FLT3LG: variants seen among roughly 807,000 people sequenced by gnomAD.
FLT3LG encodes the protein fms related receptor tyrosine kinase 3 ligand.
FLT3LG carries 8 observed loss-of-function variants against 30.9 expected under a neutral mutation model. The observed-to-expected ratio is 0.26, with a 90% CI of 0.15 to 0.47. The LOEUF (loss-of-function observed/expected upper bound fraction) is 0.47. FLT3LG is among the 20% of genes least tolerant of loss of function. The pLI is 0.99. For synonymous variants in FLT3LG, 123 were observed against 135.9 expected, an observed-to-expected ratio of 0.91 and a Z score of 0.66; for missense variants, 278 against 306.2, an observed-to-expected ratio of 0.91 and a Z score of 0.69.
At chr19:49,477,116 C>G (rs566145035) in intron 5 of FLT3LG, among the ~76,000 whole-genome samples, 15 of 151,948 alleles carry the variant, frequency 9.9e-5, no homozygotes, top group Non-Finnish European at 1.8e-4. Context: ...CAGAGTGAAA[C>G]TGTCTCAAAA....
At position 49,476,206 on chromosome 19, in the gene FLT3LG, A is replaced by T. The variant is rs1789655384; in HGVS notation, c.198+8A>T. 1 of 1,609,194 alleles carries T rather than the reference A, an allele frequency of 6.2e-7. No individual in the cohort carries two copies. Among genetic ancestry groups the T allele is most frequent in the Admixed American group, 1.7e-5 (1 of 59,980 alleles). ...GCCTCCAACCTGCAGGACGTAAGTCATGTTGGGAGGGACCTGGGATGGAGG... is the reference window on the plus strand; with the variant it reads ...GCCTCCAACCTGCAGGACGTAAGTCTTGTTGGGAGGGACCTGGGATGGAGG... On this transcript the variant is annotated splice_region_variant and intron_variant, in intron 4 of 8. Coordinates refer to ENST00000597551, the MANE Select transcript of FLT3LG (RefSeq NM_001459.4). The surrounding 1 kb of genome is among the most constrained non-coding windows in gnomAD (Gnocchi z 5.3).
chr19:49,480,396 G>A lies in FLT3LG; in HGVS notation c.580G>A (p.Val194Met), dbSNP rs754352619. 48 of 1,609,474 alleles carry A rather than the reference G, an allele frequency of 3.0e-5. No homozygotes were observed. The highest frequency in any genetic ancestry group is 5.0e-5 in the Admixed American group (3 of 59,666). ...PPLLLLLLLP[V>M]GLLLLAAAWC... is the part of the protein sequence containing the mutation. Reference sequence around the variant, plus strand: ...TCTGCTCCTCCTACTGCTGCTGCCCGTGGGCCTCCTGCTGCTGGCCGCTGC... The same window carrying A: ...TCTGCTCCTCCTACTGCTGCTGCCCATGGGCCTCCTGCTGCTGGCCGCTGC... Residue 194 changes from valine (V) to methionine (M), a missense_variant, in exon 7 of 9, where the codon GTG becomes ATG. Transcript: ENST00000597551.
At chr19:49,478,883 G>A (rs2079493075) in intron 5 of FLT3LG, 26 bp from the exon 6 acceptor site, 4 of 1,489,740 alleles carry the variant, frequency 2.7e-6, no homozygotes, top group East Asian at 5.4e-5. Context: ...TGACGTGGTG[G>A]TGACGTCTCC....
chr19:49,479,356 G>A lies in FLT3LG; in HGVS notation c.481+309G>A, dbSNP rs189641677. On this transcript the variant is annotated intron_variant, in intron 6 of 8. Coordinates refer to ENST00000597551, the MANE Select transcript of FLT3LG (RefSeq NM_001459.4). The stretch of plus-strand genomic sequence containing the variant: ...ACCACAGGCGCCCGCCACCACACCC[G>A]GCTAATTTTTTGTATTTTTAGTAGA... 3.2e-3 allele frequency among the ~76,000 whole-genome samples: 479 copies of A among 151,422 alleles called. 10 individuals carry two copies. The highest frequency in any genetic ancestry group is 0.03 in the Admixed American group (454 of 15,150).
chr19:49,480,537 C>T lies in FLT3LG; in HGVS notation c.661-15C>T, dbSNP rs1178805400. ...GAGGGTGGCCCACTTGTGGCTGACACTTTGGGGCCCACAGGTGCCCCCCGT... is the reference window on the plus strand; with the variant it reads ...GAGGGTGGCCCACTTGTGGCTGACATTTTGGGGCCCACAGGTGCCCCCCGT... On this transcript the variant is annotated splice_polypyrimidine_tract_variant and intron_variant, in intron 7 of 8. Transcript: ENST00000597551. The T allele has an allele frequency of 6.2e-7, 1 of 1,612,196 alleles. No individual in the cohort carries two copies. Among genetic ancestry groups the T allele is most frequent in the Admixed American group, 1.7e-5 (1 of 59,864 alleles).
chr19:49,478,461 T>C (rs538622033), intron 5 of FLT3LG, among the ~76,000 whole-genome samples: 1 of 150,388 alleles, frequency 6.6e-6, no homozygotes, highest in African/African-American at 2.4e-5. Flanking sequence ...AGCGAGACTC[T>C]GTCTTAAAAA....
rs983372622 is a variant in FLT3LG, at chr19:49,479,006, G to T, written c.440G>T (p.Arg147Leu). 2 of 1,607,042 alleles carry T rather than the reference G, an allele frequency of 1.2e-6. No individual in the cohort carries two copies. The highest frequency in any genetic ancestry group is 8.5e-7 in the Non-Finnish European group (1 of 1,176,902). ...QLVALKPWIT[R>L]QNFSRCLELQ... is the part of the protein sequence containing the mutation. ...GTGGCGCTGAAGCCCTGGATCACTC[G>T]CCAGAACTTCTCCCGGTGCCTGGAG... is the stretch of plus-strand genomic sequence containing the variant. The change falls in exon 6 of 9, where the codon CGC becomes CTC. Residue 147 changes from arginine to leucine, a missense_variant. Around this residue, in one of 3 missense-constraint regions of FLT3LG, gnomAD observed 170 missense variants for 162.0 expected, o/e 1.05. Transcript: ENST00000597551.
In FLT3LG at chr19:49,475,808, GGCGCTGCCCCGGACCCCCTCATGT is replaced by G. The variant is rs2079372579; in HGVS notation, c.144+9_144+32del. ...TGTCAAAATCCGTGAGCTGGTGAGCGGCGCTGCCCCGGACCCCCTCATGTGATCCCCCTTCCCCCCACTTTTTTT... is the reference window on the plus strand; with the variant it reads ...TGTCAAAATCCGTGAGCTGGTGAGCGGATCCCCCTTCCCCCCACTTTTTTT... On this transcript the variant is annotated splice_region_variant and intron_variant, in intron 3 of 8. Transcript: ENST00000597551. The G allele has an allele frequency of 3.7e-6, 6 of 1,611,502 alleles. No individual in the cohort carries two copies. The highest frequency in any genetic ancestry group is 3.3e-5 in the Admixed American group (2 of 59,938).
At chr19:49,475,877 T>C in intron 3 of FLT3LG, 76 bp downstream of exon 3, 1 of 1,262,564 alleles carries the variant, frequency 7.9e-7, no homozygotes, top group African/African-American at 1.5e-5. Flanking sequence ...AGATGGGGTC[T>C]CTCTCCCTGT....
At chr19:49,485,239 CTTTTT>C (rs960350633) in intron 8 of FLT3LG, among the ~76,000 whole-genome samples, 5 of 140,804 alleles carry the variant, frequency 3.6e-5, no homozygotes. Flanking sequence ...GTTTCTTTTT[CTTTTT>C]TTTCTTTTTT....
chr19:49,476,671 C>A lies in FLT3LG; in HGVS notation c.342+105C>A. 1 of 1,489,062 alleles carries A rather than the reference C, an allele frequency of 6.7e-7. No individual in the cohort carries two copies. Among genetic ancestry groups the A allele is most frequent in the Non-Finnish European group, 9.2e-7 (1 of 1,088,942 alleles). The allele number at this position is 1,489,062 out of a possible 1,614,324, so 92.2% of individuals were successfully genotyped here. A position where few individuals can be genotyped will look rare whatever the true frequency, so the allele number is the denominator to read the frequency against. On this transcript the variant is annotated intron_variant, in intron 5 of 8. Transcript: ENST00000597551. The surrounding 1 kb of genome is among the most constrained non-coding windows in gnomAD (Gnocchi z 5.3). ...ATTGGCGATTTGGACCATAGCCACC[C>A]AACGAAGGTAGAGCGAGAAGCGCCA...
intron 5 of FLT3LG, among the ~76,000 whole-genome samples, chr19:49,478,205 A>C (rs1188829206): frequency 6.6e-6 from 1 of 151,632 alleles, no homozygotes; most frequent in Non-Finnish European, 1.5e-5. Flanking sequence ...ACGGTGGCTC[A>C]CGCCTGTAAT....
rs1173512357 is a variant in FLT3LG, at chr19:49,481,044, A to G, written c.*21+424A>G. ...TAGACTCCGTCTCAAAAAAAAAAAA[A>G]AAAAAGAAAAGGAAAGACCCCTCTG... On this transcript the variant is annotated intron_variant, in intron 8 of 8. Coordinates refer to ENST00000597551, the MANE Select transcript of FLT3LG (RefSeq NM_001459.4). 2.6e-5 allele frequency: 4 copies of G among 156,538 alleles called. 1 individual carries two copies. The highest frequency in any genetic ancestry group is 5.6e-5 in the Non-Finnish European group (4 of 71,472). 9.7% of individuals were successfully genotyped at this position (156,538 alleles called of 1,614,324 possible).
chr19:49,484,064 TAG>T (rs1429827005), intron 8 of FLT3LG, among the ~76,000 whole-genome samples: 15 of 151,070 alleles, frequency 9.9e-5, no homozygotes, highest in African/African-American at 2.7e-4. Context: ...TTTGTATTTT[TAG>T]TAGAGGTAGG....
intron 6 of FLT3LG, chr19:49,479,651 G>C: frequency 4.7e-6 from 1 of 212,678 alleles, no homozygotes; most frequent in South Asian, 4.2e-5. Context: ...ACAGGCGCCT[G>C]CCACCTCACG....
chr19:49,475,870 T>A (rs1568666670), intron 3 of FLT3LG, 69 bp downstream of exon 3: 4 of 1,341,836 alleles, frequency 3.0e-6, no homozygotes, highest in Non-Finnish European at 1.0e-6. Context: ...TAAGTAGAGA[T>A]GGGGTCTCTC....
Position 49,475,719 on chromosome 19 carries a change from G to A in FLT3LG, c.62G>A (p.Ser21Asn), listed in dbSNP as rs1208116793. The stretch of plus-strand genomic sequence containing the variant: ...TATCTCCTCCTGCTGCTGCTGCTGA[G>A]CTCGGGACTCAGTGGGACCCAGGAC... ...TTYLLLLLLLSSGLSGTQDCS... is the reference protein window; with the variant it reads ...TTYLLLLLLLNSGLSGTQDCS... The change falls in exon 3 of 9, where the codon AGC (serine) becomes AAC (asparagine). Residue 21 changes from serine (S) to asparagine (N), a missense_variant. Ser to Asn is a conservative substitution (Grantham distance 46). This residue lies in a region of FLT3LG where 40 missense variants were observed against 34.3 expected (regional missense o/e 1.17). Coordinates refer to ENST00000597551, the MANE Select transcript of FLT3LG (RefSeq NM_001459.4). 1 of 1,610,262 alleles carries A rather than the reference G, an allele frequency of 6.2e-7. No individual in the cohort carries two copies. Among genetic ancestry groups the A allele is most frequent in the Non-Finnish European group, 8.5e-7 (1 of 1,179,898 alleles).
chr19:49,485,613 C>A (rs955660648), intron 8 of FLT3LG, among the ~76,000 whole-genome samples: 2 of 152,106 alleles, frequency 1.3e-5, no homozygotes, highest in Non-Finnish European at 2.9e-5. Flanking sequence ...AACTCCCAAC[C>A]TCAGGTGATC....
At chr19:49,477,074 G>A (rs1193123850) in intron 5 of FLT3LG, among the ~76,000 whole-genome samples, 1 of 152,052 alleles carries the variant, frequency 6.6e-6, no homozygotes, top group Non-Finnish European at 1.5e-5. Context: ...GCAGTGAGCC[G>A]AGATCATGCC....
Sources: allele counts gnomAD v4.1 joint callset (sites outside exome capture counted in the v4.1 genomes callset), GRCh38; gene constraint gnomAD v4.1.1; regional missense constraint gnomAD v4.1.1; non-coding constraint Gnocchi (gnomAD v3.1); transcripts MANE v1.5; gene names NCBI Gene and HGNC (gene_info 2026-07-23, HGNC 2026-07-21).